Variants in SLC13A4 observed in about 807,000 individuals in gnomAD.
SLC13A4 encodes solute carrier family 13 member 4, also known as Na(+)/sulfate cotransporter SUT-1.
SLC13A4 carries 28 observed loss-of-function variants against 72.7 expected under a neutral mutation model. That is an observed-to-expected ratio of 0.39 (90% CI 0.29 to 0.53). The LOEUF is 0.53. Among genes scored for constraint, SLC13A4 ranks in the 20% least tolerant of loss-of-function variants. The probability of loss-of-function intolerance (pLI) is 0.78; values close to 1 mark genes in which losing one functional copy is unlikely to be tolerated. For synonymous variants in SLC13A4, 312 were observed against 325.5 expected (o/e 0.96, Z 0.45); for missense variants, 653 against 788.0 (o/e 0.83, Z 2.05).
intron 7 of SLC13A4, among the ~76,000 whole-genome samples, chr7:135,701,077 A>G (rs765709304): frequency 2.0e-5 from 3 of 152,230 alleles, no homozygotes; most frequent in Non-Finnish European, 4.4e-5. Context: ...GTTTGCAAAA[A>G]TGGAGCTCAA....
At position 135,705,603 on chromosome 7, in the gene SLC13A4, T is replaced by G. The variant is rs1229063332; in HGVS notation, c.586A>C (p.Asn196His). 2.5e-6 allele frequency: 4 copies of G among 1,614,080 alleles called. No individual in the cohort carries two copies. The highest frequency in any genetic ancestry group is 3.3e-4 in the Middle Eastern group (2 of 6,060). The change falls in exon 5 of 16, where the codon AAT (asparagine) becomes CAT (histidine). Residue 196 changes from asparagine (N) to histidine (H), a missense_variant. By Grantham distance (68) the Asn-to-His change is moderately conservative (BLOSUM62 1). Transcript: ENST00000682651. Reference sequence around the variant, plus strand: ...GAGGGCAGTCATACTCACTCTTCATTGACAAAGATGAGTTCCAGAGAAGGT... The same window carrying G: ...GAGGGCAGTCATACTCACTCTTCATGGACAAAGATGAGTTCCAGAGAAGGT... ...SQPSLELIFVNEDRSNADLTT... is the reference protein window; with the variant it reads ...SQPSLELIFVHEDRSNADLTT...
At chr7:135,694,970 A>G (rs7802670) in intron 9 of SLC13A4, among the ~76,000 whole-genome samples, 143 of 152,368 alleles carry the variant, frequency 9.4e-4, no homozygotes, top group African/African-American at 3.4e-3. Flanking sequence ...ACCCATGCCT[A>G]TAAAGTTAAA....
chr7:135,708,067 G>A (rs777977645), intron 3 of SLC13A4, 47 bp downstream of exon 3: 2 of 1,593,012 alleles, frequency 1.3e-6, no homozygotes, highest in South Asian at 1.1e-5. Flanking sequence ...TGGCACACTG[G>A]GAGCTAGAAG....
intron 9 of SLC13A4, among the ~76,000 whole-genome samples, 174 bp from the exon 10 acceptor site, chr7:135,694,412 G>A (rs996674971): frequency 4.6e-5 from 7 of 152,024 alleles, no homozygotes; most frequent in East Asian, 1.9e-4. Flanking sequence ...CAAGTTATCC[G>A]GCCTCTCATC....
chr7:135,691,247 A>G lies in SLC13A4; in HGVS notation c.1400T>C (p.Ile467Thr), dbSNP rs754100756. The part of the protein sequence containing the change: ...KDFQKTMPWE[I>T]VILVGGGYAL... ...ATAGCCTCCCCCAACCAGAATGACA[A>G]TCTCCCAGGGCATGGTCTTCTGGAA... The change falls in exon 13 of 16, where the codon ATT becomes ACT. Residue 467 changes from isoleucine to threonine, a missense_variant. Transcript: ENST00000682651. The G allele has an allele frequency of 1.2e-5, 20 of 1,612,864 alleles. No homozygotes were observed. The highest frequency in any genetic ancestry group is 8.9e-5 in the East Asian group (4 of 44,852).
chr7:135,681,812 G>A (rs1371947914), intron 15 of SLC13A4, 112 bp from the exon 16 acceptor site: 2 of 1,450,038 alleles, frequency 1.4e-6, no homozygotes, highest in Non-Finnish European at 1.9e-6. Flanking sequence ...TTAGTTCCCA[G>A]TTGCTGCCTG....
chr7:135,720,664 T>C (rs1374600378), intron 2 of SLC13A4, among the ~76,000 whole-genome samples: 1 of 152,036 alleles, frequency 6.6e-6, no homozygotes, highest in Non-Finnish European at 1.5e-5. Context: ...GAGATCGTCA[T>C]TCATTTGGTC....
intron 1 of SLC13A4, among the ~76,000 whole-genome samples, chr7:135,725,971 CA>C (rs1036387406): frequency 1.3e-5 from 2 of 151,606 alleles, no homozygotes; most frequent in Non-Finnish European, 1.5e-5. Context: ...TCTGCGTCTA[CA>C]AAAAAAAGTT....
Position 135,685,586 on chromosome 7 carries a change from A to G in SLC13A4, c.1544T>C (p.Ile515Thr), listed in dbSNP as rs757334260. The change falls in exon 14 of 16, where the codon ATT becomes ACT. Residue 515 changes from isoleucine (I) to threonine (T), a missense_variant. Transcript: ENST00000682651. Reference sequence around the variant, plus strand: ...TGGGTTGCTCACAAACTCAGTGACAATGGACACGAGGATGCATGCCAGCAG... The same window carrying G: ...TGGGTTGCTCACAAACTCAGTGACAGTGGACACGAGGATGCATGCCAGCAG... ...VTLLACILVS[I>T]VTEFVSNPAT... 4.3e-6 allele frequency: 7 copies of G among 1,614,220 alleles called. No homozygotes were observed. Among genetic ancestry groups the G allele is most frequent in the Middle Eastern group, 3.3e-4 (2 of 6,062 alleles).
intron 8 of SLC13A4, 93 bp downstream of exon 8, chr7:135,699,271 A>G (rs1795976409): frequency 3.2e-6 from 4 of 1,241,426 alleles, no homozygotes; most frequent in South Asian, 3.7e-5. Flanking sequence ...AAACTCTTCT[A>G]TTCTCATTTT....
chr7:135,699,434 C>T lies in SLC13A4; in HGVS notation c.829G>A (p.Ala277Thr), dbSNP rs754813227. ...ATGGTGGTCAGGCCGCCAATGGTAG[C>T]GGAGTAGGATATGCTCAGGGAGAGG... is the stretch of plus-strand genomic sequence containing the variant. ...KCLSLSISYS[A>T]TIGGLTTIIG... Residue 277 changes from alanine to threonine, a missense_variant, in exon 8 of 16, where the codon GCT becomes ACT. By Grantham distance (58) the Ala-to-Thr change is moderately conservative. Coordinates refer to ENST00000682651, the MANE Select transcript of SLC13A4 (RefSeq NM_001318192.2). 4 of 1,613,246 alleles carry T rather than the reference C, an allele frequency of 2.5e-6. No homozygotes were observed. The highest frequency in any genetic ancestry group is 3.4e-6 in the Non-Finnish European group (4 of 1,179,662).
At chr7:135,691,694 G>C in intron 11 of SLC13A4, 49 bp from the exon 12 acceptor site, 1 of 1,312,864 alleles carries the variant, frequency 7.6e-7, no homozygotes, top group Non-Finnish European at 1.1e-6. Flanking sequence ...GAATTTTCAG[G>C]AGTAACATGA....
rs376918184 is a variant in SLC13A4, at chr7:135,714,453, C to G, written c.229-6203G>C. Among the ~76,000 whole-genome samples, 6 of 152,314 alleles carry G rather than the reference C, an allele frequency of 3.9e-5. No individual in the cohort carries two copies. In the East Asian group the frequency reaches 9.7e-4, roughly 25 times the overall value. ...GGTTCACAGGGAGCTGCTCTTCCCC[C>G]CAGAAACATTAGCTTGGTCTCGAAA... On this transcript the variant is annotated intron_variant, in intron 2 of 15. Transcript: ENST00000682651.
chr7:135,711,208 G>T (rs1326456790), intron 2 of SLC13A4, among the ~76,000 whole-genome samples: 1 of 152,190 alleles, frequency 6.6e-6, no homozygotes, highest in Non-Finnish European at 1.5e-5. Flanking sequence ...CGTTGTGGGA[G>T]ATGGTCTTTC....
At chr7:135,689,790 T>TG (rs1795734652) in intron 13 of SLC13A4, among the ~76,000 whole-genome samples, 1 of 152,098 alleles carries the variant, frequency 6.6e-6, no homozygotes, top group African/African-American at 2.4e-5. Flanking sequence ...AATCTCACCA[T>TG]GGGCAGGAGA....
At chr7:135,712,296 T>C (rs1796321799) in intron 2 of SLC13A4, among the ~76,000 whole-genome samples, 1 of 151,726 alleles carries the variant, frequency 6.6e-6, no homozygotes, top group Non-Finnish European at 1.5e-5. Context: ...CCCTTGTAAG[T>C]GATACTATGT....
At chr7:135,695,519 A>G in intron 8 of SLC13A4, 32 bp from the exon 9 acceptor site, 1 of 1,605,992 alleles carries the variant, frequency 6.2e-7, no homozygotes, top group African/African-American at 1.3e-5. Flanking sequence ...CAGCAATTAG[A>G]AAGGGAGGGT....
At chr7:135,684,398 C>T in intron 14 of SLC13A4, 137 bp from the exon 15 acceptor site, 1 of 981,034 alleles carries the variant, frequency 1.0e-6, no homozygotes, top group South Asian at 2.1e-5. Context: ...AGTTAGGTCT[C>T]TGCCCTCTGG....
In SLC13A4 at chr7:135,685,610, A is replaced by G. The variant is rs2129493739; in HGVS notation, c.1520T>C (p.Leu507Pro). The G allele has an allele frequency of 6.2e-7, 1 of 1,614,226 alleles. No individual in the cohort carries two copies. The highest frequency in any genetic ancestry group is 1.7e-5 in the Admixed American group (1 of 60,028). Residue 507 changes from leucine to proline, a missense_variant, in exon 14 of 16, where the codon CTG (leucine) becomes CCG (proline). Physicochemically the swap from Leu to Pro is moderately conservative, Grantham distance 98. Coordinates refer to ENST00000682651, the MANE Select transcript of SLC13A4 (RefSeq NM_001318192.2). ...AATGGACACGAGGATGCATGCCAGC[A>G]GGGTGACAGCCCACGGTGGGAGGCT... is the stretch of plus-strand genomic sequence containing the variant. The part of the protein sequence containing the change: ...LSSLPPWAVT[L>P]LACILVSIVT...
Sources: allele counts gnomAD v4.1 joint callset (sites outside exome capture counted in the v4.1 genomes callset), GRCh38; gene constraint gnomAD v4.1.1; transcripts MANE v1.5; gene names NCBI Gene and HGNC (gene_info 2026-07-23, HGNC 2026-07-21).